Variants in MID1 observed in about 807,000 individuals in gnomAD.
The protein encoded by MID1 is midline 1.
A neutral mutation model predicts 40.4 loss-of-function variants in MID1; 7 were observed. The ratio of observed to expected loss-of-function variants is 0.17; its 90% CI spans 0.10 to 0.33. MID1 has a LOEUF of 0.33. Among genes scored for constraint, MID1 ranks in the 10% least tolerant of loss-of-function variants. MID1 has a pLI of 1.00. For synonymous variants in MID1, 229 were observed against 221.2 expected (o/e 1.04, Z -0.31); for missense variants, 367 against 558.5 (o/e 0.66, Z 3.46).
intron 1 of MID1, among the ~76,000 whole-genome samples, chrX:10,774,862 G>A (rs933490710): frequency 9.0e-5 from 10 of 111,460 alleles, no homozygotes; most frequent in Middle Eastern, 4.7e-3. Context: ...CAAGATTGGC[G>A]TTCTTGGCTT....
At chrX:10,674,657 TG>T (rs1392399640) in intron 1 of MID1, among the ~76,000 whole-genome samples, 11 of 112,017 alleles carry the variant, frequency 9.8e-5, no homozygotes, top group Non-Finnish European at 1.7e-4. Context: ...GAGCATGGGG[TG>T]GAGAATAGTG....
chrX:10,786,939 C>A (rs1439261376), intron 1 of MID1, among the ~76,000 whole-genome samples: 1 of 109,070 alleles, frequency 9.2e-6, no homozygotes, highest in East Asian at 2.9e-4. Flanking sequence ...AACTAACCTG[C>A]ACGTTGTGCA....
chrX:10,713,554 C>T (rs2043282660), intron 1 of MID1, among the ~76,000 whole-genome samples: 1 of 111,466 alleles, frequency 9.0e-6, no homozygotes, highest in Non-Finnish European at 1.9e-5. Context: ...TCTCAAACTC[C>T]TGGGCTCAAG....
chrX:10,514,485 C>CAA (rs1932306518), intron 3 of MID1, among the ~76,000 whole-genome samples: 2 of 111,734 alleles, frequency 1.8e-5, no homozygotes, highest in African/African-American at 6.5e-5. Flanking sequence ...GCACTGAATC[C>CAA]AAAGGGAGAC....
At chrX:10,512,981 C>A (rs1276024762) in intron 3 of MID1, among the ~76,000 whole-genome samples, 1 of 111,995 alleles carries the variant, frequency 8.9e-6, no homozygotes, top group East Asian at 2.8e-4. Flanking sequence ...TTTCATATTT[C>A]TATTTCAAAC....
At chrX:10,597,038 C>CA (rs907967511) in intron 1 of MID1, among the ~76,000 whole-genome samples, 34 of 103,407 alleles carry the variant, frequency 3.3e-4, no homozygotes, top group Non-Finnish European at 4.4e-4. Flanking sequence ...ATGTTGAAGG[C>CA]AAAAAAAAAG....
chrX:10,701,327 C>T lies in MID1; in HGVS notation c.-186-80908G>A, dbSNP rs747037976. 1.2e-4 allele frequency among the ~76,000 whole-genome samples: 13 copies of T among 111,956 alleles called. No individual in the cohort carries two copies. The South Asian group carries it at 2.2e-3, about 19-fold the overall frequency. On this transcript the variant is annotated intron_variant, in intron 1 of 10. Coordinates refer to the MID1 transcript ENST00000380785. The stretch of plus-strand genomic sequence containing the variant: ...GGTGAAGCCATTCAAAAAACTTTGA[C>T]GTATACACAATAGACAGTGGCCAAA...
At chrX:10,556,736 A>C (rs1054169855) in intron 2 of MID1, among the ~76,000 whole-genome samples, 14 of 112,466 alleles carry the variant, frequency 1.2e-4, no homozygotes, top group African/African-American at 4.2e-4. Context: ...TTGTCAGCTT[A>C]AAGTCCATAC....
chrX:10,607,294 A>C (rs1026866257), intron 1 of MID1, among the ~76,000 whole-genome samples: 1 of 111,351 alleles, frequency 9.0e-6, no homozygotes, highest in African/African-American at 3.3e-5. Context: ...TCTCAAAGGG[A>C]GGTTTATTTT....
intron 8 of MID1, among the ~76,000 whole-genome samples, chrX:10,458,962 A>AGAGAG (rs1203613357): frequency 3.6e-5 from 4 of 110,939 alleles, no homozygotes; most frequent in African/African-American, 1.3e-4. Context: ...TAAAGAAAGA[A>AGAGAG]GAGAGGATAA....
chrX:10,506,298 T>C, intron 3 of MID1: 2 of 1,032,083 alleles, frequency 1.9e-6, no homozygotes. Context: ...TTGGCAGTTG[T>C]ATCCTCCCCA....
chrX:10,684,021 C>T (rs932010056), intron 1 of MID1, among the ~76,000 whole-genome samples: 42 of 109,634 alleles, frequency 3.8e-4, no homozygotes, highest in African/African-American at 1.4e-3. Context: ...CCACTTGCCT[C>T]GGCCTCCCAA....
In MID1 at chrX:10,667,684, C is replaced by T. The variant is rs189850503; in HGVS notation, c.-186-47265G>A. On this transcript the variant is annotated intron_variant, in intron 1 of 10. Coordinates refer to the MID1 transcript ENST00000380785. ...AGCATTTGTGAAGGGGGACCAGAAT[C>T]GCAATGATTAATTCGCTGCTTGAGT... Among the ~76,000 whole-genome samples the T allele has an allele frequency of 3.6e-3, 399 of 111,189 alleles. 5 individuals carry two copies. The highest frequency in any genetic ancestry group is 0.012 in the African/African-American group (380 of 30,643).
chrX:10,498,416 G>A (rs1931371287), intron 3 of MID1, among the ~76,000 whole-genome samples: 1 of 112,244 alleles, frequency 8.9e-6, no homozygotes, highest in South Asian at 3.7e-4. Flanking sequence ...ACCTGGCCAG[G>A]AATTGATTTT....
At chrX:10,689,628 C>A (rs1443735768) in intron 1 of MID1, among the ~76,000 whole-genome samples, 1 of 111,284 alleles carries the variant, frequency 9.0e-6, no homozygotes, top group East Asian at 2.8e-4. Context: ...TCTCTATCTG[C>A]CTGTCTAGTC....
intron 1 of MID1, among the ~76,000 whole-genome samples, chrX:10,787,570 C>G (rs1196668135): frequency 2.0e-4 from 11 of 55,709 alleles, no homozygotes; most frequent in Non-Finnish European, 3.1e-4. Context: ...CTCTTCTCTT[C>G]TCTTCTTTTC....
At chrX:10,613,732 T>TATATATATATATATATAG (rs1482081086) in intron 1 of MID1, among the ~76,000 whole-genome samples, 1 of 17,482 alleles carries the variant, frequency 5.7e-5, no homozygotes, top group African/African-American at 1.8e-4. Context: ...TATATATATA[T>TATATATATATATATATAG]AGAGAGAGAG....
At chrX:10,568,090 GAAC>G (rs1200910873) in intron 1 of MID1, among the ~76,000 whole-genome samples, 1 of 111,802 alleles carries the variant, frequency 8.9e-6, no homozygotes, top group Non-Finnish European at 1.9e-5. Flanking sequence ...CCAGGTTTCA[GAAC>G]AATAGGAAGG....
intron 1 of MID1, among the ~76,000 whole-genome samples, chrX:10,640,289 C>T (rs778096869): frequency 6.3e-5 from 7 of 111,437 alleles, no homozygotes; most frequent in Non-Finnish European, 1.3e-4. Flanking sequence ...TGCAGAGACA[C>T]ACATAGGCTC....
Sources: gnomAD v4.1 joint callset for allele counts (sites outside exome capture counted in the v4.1 genomes callset) on GRCh38, gnomAD v4.1.1 for gene constraint, MANE v1.5 for transcripts, NCBI Gene and HGNC (gene_info 2026-07-23, HGNC 2026-07-21) for gene names.